Variants in RORA observed in about 807,000 individuals in gnomAD.
RORA encodes the protein nuclear receptor ROR-alpha.
RORA carries 7 observed loss-of-function variants against 69.5 expected under a neutral mutation model. That is an observed-to-expected ratio of 0.10 (90% CI 0.06 to 0.19). The LOEUF (loss-of-function observed/expected upper bound fraction) is 0.19, where lower values mean the gene tolerates loss of function less well. Among genes scored for constraint, RORA ranks in the 10% least tolerant of loss-of-function variants. The probability of loss-of-function intolerance (pLI) is 1.00; values close to 1 mark genes in which losing one functional copy is unlikely to be tolerated. For synonymous variants in RORA, 261 were observed against 240.8 expected, an observed-to-expected ratio of 1.08 and a Z score of -0.78; for missense variants, 457 against 663.0, an observed-to-expected ratio of 0.69 and a Z score of 3.41.
At chr15:61,022,609 T>C (rs1484469180) in intron 1 of RORA, among the ~76,000 whole-genome samples, 1 of 152,148 alleles carries the variant, frequency 6.6e-6, no homozygotes, top group Non-Finnish European at 1.5e-5. Context: ...AGCCCCGCCG[T>C]GATAAATAAG....
intron 1 of RORA, among the ~76,000 whole-genome samples, chr15:61,204,365 G>A (rs923989460): frequency 6.6e-6 from 1 of 152,334 alleles, no homozygotes; most frequent in South Asian, 2.1e-4. Flanking sequence ...TGGATAAATC[G>A]ATTGTAATGG....
intron 1 of RORA, among the ~76,000 whole-genome samples, chr15:61,118,733 C>T (rs1381083306): frequency 6.6e-6 from 1 of 152,114 alleles, no homozygotes; most frequent in Admixed American, 6.5e-5. Flanking sequence ...TGACGCTACC[C>T]CTGCCAAATA....
At chr15:60,987,155 G>C (rs1894228651) in intron 1 of RORA, among the ~76,000 whole-genome samples, 1 of 152,150 alleles carries the variant, frequency 6.6e-6, no homozygotes, top group African/African-American at 2.4e-5. Flanking sequence ...GCTCAGAACA[G>C]ATTTCAGGAC....
chr15:60,920,270 C>T (rs948125408), intron 1 of RORA, among the ~76,000 whole-genome samples: 16 of 152,184 alleles, frequency 1.1e-4, no homozygotes, highest in African/African-American at 3.6e-4. Flanking sequence ...CCACCTCTAT[C>T]ATCTAAGTTA....
chr15:61,092,863 A>T (rs2078728572), intron 1 of RORA, among the ~76,000 whole-genome samples: 2 of 152,186 alleles, frequency 1.3e-5, no homozygotes, highest in Admixed American at 6.5e-5. Flanking sequence ...TGCTAAGGGA[A>T]TTCAAGCTGG....
chr15:60,994,127 T>C (rs1340850469), intron 1 of RORA, among the ~76,000 whole-genome samples: 3 of 152,240 alleles, frequency 2.0e-5, no homozygotes, highest in Non-Finnish European at 4.4e-5. Context: ...GGTTTATCTC[T>C]GAAAGCTACC....
At chr15:61,196,683 A>G (rs536065934) in intron 1 of RORA, among the ~76,000 whole-genome samples, 3 of 152,372 alleles carry the variant, frequency 2.0e-5, no homozygotes, top group African/African-American at 4.8e-5. Flanking sequence ...ATAAATTAAC[A>G]AATTGCACAT....
At chr15:61,170,403 T>C (rs1298773573) in intron 1 of RORA, among the ~76,000 whole-genome samples, 9 of 152,174 alleles carry the variant, frequency 5.9e-5, no homozygotes, top group Non-Finnish European at 1.0e-4. Flanking sequence ...GTCCTGTGCT[T>C]TTGTCATTAA....
chr15:60,777,209 CA>C (rs2072181311), intron 1 of RORA, among the ~76,000 whole-genome samples: 1 of 152,192 alleles, frequency 6.6e-6, no homozygotes, highest in Non-Finnish European at 1.5e-5. Flanking sequence ...TCTTCTCTAA[CA>C]AAGTATATTC....
intron 2 of RORA, among the ~76,000 whole-genome samples, chr15:60,532,257 G>A (rs10775174): frequency 0.95 from 145,020 of 152,240 alleles, 69,505 homozygotes; most frequent in Non-Finnish European, 1. Context: ...TTGACTGCTA[G>A]AGAAAAATAC....
chr15:60,608,272 A>C lies in RORA; in HGVS notation c.196+70385T>G, dbSNP rs545780528. On this transcript the variant is annotated intron_variant, in intron 2 of 10. Coordinates refer to ENST00000335670, the MANE Select transcript of RORA (RefSeq NM_134261.3). ...CTCCACATATTGTCCTGGATGCAGA[A>C]TAATACTTTTTGTATTAAAGTCACC... Among the ~76,000 whole-genome samples the C allele has an allele frequency of 2.0e-5, 3 of 152,376 alleles. No homozygotes were observed. In the South Asian group the frequency reaches 6.2e-4, roughly 32 times the overall value.
chr15:60,874,640 A>AT (rs1268160042), intron 1 of RORA, among the ~76,000 whole-genome samples: 1 of 152,180 alleles, frequency 6.6e-6, no homozygotes, highest in Non-Finnish European at 1.5e-5. Flanking sequence ...AGCGTATAAA[A>AT]TTTCTTCTTA....
At chr15:60,562,088 C>T (rs1053281267) in intron 2 of RORA, among the ~76,000 whole-genome samples, 17 of 151,972 alleles carry the variant, frequency 1.1e-4, no homozygotes, top group Non-Finnish European at 1.9e-4. Flanking sequence ...GGATTACAGG[C>T]GCCTGCCACC....
At chr15:61,208,096 G>C (rs942220297) in intron 1 of RORA, among the ~76,000 whole-genome samples, 3 of 152,214 alleles carry the variant, frequency 2.0e-5, no homozygotes, top group African/African-American at 7.2e-5. Flanking sequence ...TTTTTTCCCA[G>C]TATGGGGGTA....
chr15:60,904,522 T>C (rs1400187654), intron 1 of RORA, among the ~76,000 whole-genome samples: 2 of 152,002 alleles, frequency 1.3e-5, no homozygotes, highest in East Asian at 3.9e-4. Context: ...AGCAAGTAAA[T>C]GGGGAGATGC....
At chr15:60,745,382 G>T (rs1314215644) in intron 1 of RORA, among the ~76,000 whole-genome samples, 2 of 152,326 alleles carry the variant, frequency 1.3e-5, no homozygotes, top group East Asian at 3.9e-4. Flanking sequence ...ACACATGTCC[G>T]GGTAGCTACC....
intron 1 of RORA, among the ~76,000 whole-genome samples, chr15:60,723,406 G>C (rs2071318004): frequency 6.8e-6 from 1 of 146,520 alleles, no homozygotes; most frequent in African/African-American, 2.6e-5. Flanking sequence ...AAATGGCCAT[G>C]TTCTTTGAAA....
At chr15:61,171,510 C>T (rs890487776) in intron 1 of RORA, among the ~76,000 whole-genome samples, 2 of 152,126 alleles carry the variant, frequency 1.3e-5, no homozygotes, top group Non-Finnish European at 1.5e-5. Context: ...TGCAGGGATC[C>T]GGAAGTAAAT....
chr15:61,042,576 TC>T (rs766013546), intron 1 of RORA, among the ~76,000 whole-genome samples: 10 of 152,254 alleles, frequency 6.6e-5, no homozygotes, highest in Non-Finnish European at 1.3e-4. Context: ...ACTTGTTTTC[TC>T]ACAAAAGACT....
Sources: allele counts gnomAD v4.1 joint callset (sites outside exome capture counted in the v4.1 genomes callset), GRCh38; gene constraint gnomAD v4.1.1; transcripts MANE v1.5; gene names NCBI Gene and HGNC (gene_info 2026-07-23, HGNC 2026-07-21).